The following ZFR variants were observed in gnomAD, a reference collection of about 807,000 sequenced individuals.
ZFR encodes the protein zinc finger RNA-binding protein.
In ZFR, 19 loss-of-function variants were observed where a neutral mutation model predicts 130.7. The ratio of observed to expected loss-of-function variants is 0.15; its 90% CI spans 0.10 to 0.21. The LOEUF (loss-of-function observed/expected upper bound fraction) is 0.21. ZFR is among the 10% of genes least tolerant of loss of function. ZFR has a pLI of 1.00. For missense variants in ZFR, 872 were observed against 1,321.5 expected (o/e 0.66, Z 5.27); for synonymous variants, 466 against 456.9 (o/e 1.02, Z -0.25).
At chr5:32,371,178 G>A (rs945303577) in intron 17 of ZFR, among the ~76,000 whole-genome samples, 1 of 151,816 alleles carries the variant, frequency 6.6e-6, no homozygotes, top group Non-Finnish European at 1.5e-5. Context: ...GAGACCAGCT[G>A]GGGCAACATA....
intron 15 of ZFR, among the ~76,000 whole-genome samples, chr5:32,380,902 G>T (rs1191993544): frequency 6.6e-6 from 1 of 151,036 alleles, no homozygotes; most frequent in Non-Finnish European, 1.5e-5. Flanking sequence ...CACCCGCCTC[G>T]GCCTCCCAAA....
chr5:32,385,661 AGAT>A lies in ZFR; in HGVS notation c.2500-15_2500-13del. The A allele has an allele frequency of 6.2e-7, 1 of 1,609,984 alleles. No individual in the cohort carries two copies. The highest frequency in any genetic ancestry group is 8.5e-7 in the Non-Finnish European group (1 of 1,178,286). On this transcript the variant is annotated splice_polypyrimidine_tract_variant and intron_variant, in intron 14 of 19. Transcript: ENST00000265069. ...TCAGGGCTTATAACCTGTGTAATGA[AGAT>A]GATAAGAAACAAATTGGATCTGTTG...
chr5:32,385,688 T>C (rs1056756279), intron 14 of ZFR, 39 bp from the exon 15 acceptor site: 14 of 1,605,898 alleles, frequency 8.7e-6, no homozygotes, highest in Admixed American at 1.7e-5. Flanking sequence ...TTGGATCTGT[T>C]GTATTAACAA....
intron 2 of ZFR, among the ~76,000 whole-genome samples, 185 bp downstream of exon 2, chr5:32,444,044 G>T (rs1754536792): frequency 7.1e-6 from 1 of 141,180 alleles, no homozygotes; most frequent in Non-Finnish European, 1.6e-5. Context: ...CGCGGGCCGG[G>T]CCGGGCCGGG....
chr5:32,411,222 C>G (rs1753698331), intron 5 of ZFR, among the ~76,000 whole-genome samples: 1 of 152,038 alleles, frequency 6.6e-6, no homozygotes, highest in Non-Finnish European at 1.5e-5. Flanking sequence ...AAGATGTGTT[C>G]AAAGACGAAT....
At chr5:32,419,800 C>A (rs1322380103) in intron 3 of ZFR, 21 bp downstream of exon 3, 1 of 1,568,834 alleles carries the variant, frequency 6.4e-7, no homozygotes, top group South Asian at 1.2e-5. Context: ...TTCAGGCTAC[C>A]AAAACTAGTA....
intron 19 of ZFR, among the ~76,000 whole-genome samples, chr5:32,359,425 C>G (rs1752382618): frequency 6.6e-6 from 1 of 151,886 alleles, no homozygotes; most frequent in Admixed American, 6.6e-5. Context: ...ATACCCCTGC[C>G]CTAAAGCTTA....
chr5:32,380,831 G>A (rs1344763353), intron 15 of ZFR, among the ~76,000 whole-genome samples: 4 of 151,526 alleles, frequency 2.6e-5, no homozygotes, highest in African/African-American at 9.7e-5. Flanking sequence ...TGTATTTTTA[G>A]TAGAGACGAA....
Position 32,355,722 on chromosome 5 carries a change from C to T in ZFR, c.*38G>A. 4.7e-6 allele frequency: 7 copies of T among 1,494,992 alleles called. No individual in the cohort carries two copies. The highest frequency in any genetic ancestry group is 1.4e-5 in the African/African-American group (1 of 70,148). 92.6% of individuals were successfully genotyped at this position (1,494,992 alleles called of 1,614,324 possible). On this transcript the variant is annotated 3_prime_UTR_variant, in exon 20 of 20. Transcript: ENST00000265069. ...GAATGAAAAACAGCCAACAAATGGG[C>T]ATCTGTTTTTTTAACACTGAAGATT...
intron 19 of ZFR, among the ~76,000 whole-genome samples, chr5:32,358,977 G>A (rs372240047): frequency 1.3e-5 from 2 of 152,176 alleles, no homozygotes; most frequent in South Asian, 2.1e-4. Flanking sequence ...GGGAGGTGGA[G>A]GTGGGAAGAT....
At chr5:32,386,376 T>C (rs183204557) in intron 14 of ZFR, among the ~76,000 whole-genome samples, 2 of 152,146 alleles carry the variant, frequency 1.3e-5, no homozygotes, top group Non-Finnish European at 2.9e-5. Context: ...AAATTAATTT[T>C]ATTTCACTTG....
chr5:32,444,051 C>A (rs1426076752), intron 2 of ZFR, among the ~76,000 whole-genome samples, 178 bp downstream of exon 2: 1 of 128,706 alleles, frequency 7.8e-6, no homozygotes, highest in African/African-American at 2.8e-5. Context: ...CGGGCCGGGC[C>A]GGGCAAGGCG....
Position 32,440,704 on chromosome 5 carries a change from TG to T in ZFR, c.137+3524del. 2.0e-5 allele frequency among the ~76,000 whole-genome samples: 3 copies of T among 151,354 alleles called. No homozygotes were observed. The East Asian group carries it at 5.8e-4, about 29-fold the overall frequency. On this transcript the variant is annotated intron_variant, in intron 2 of 19. Coordinates refer to ENST00000265069, the MANE Select transcript of ZFR (RefSeq NM_016107.5). ...AGGAAAAAAAAAATTCCATAGTTTA[TG>T]GGACTTAGAACACAAGACTGAGAAA...
intron 2 of ZFR, among the ~76,000 whole-genome samples, chr5:32,421,701 T>C (rs941012482): frequency 2.6e-5 from 4 of 151,802 alleles, no homozygotes; most frequent in African/African-American, 7.3e-5. Context: ...TTCAGTCCAA[T>C]ATGAAAAAGA....
At chr5:32,395,138 A>T in intron 11 of ZFR, 21 bp downstream of exon 11, 1 of 1,570,056 alleles carries the variant, frequency 6.4e-7, no homozygotes, top group South Asian at 1.2e-5. Flanking sequence ...TTACCAGGCT[A>T]TTAAAAGTTA....
At chr5:32,420,584 A>T (rs1218914962) in intron 2 of ZFR, among the ~76,000 whole-genome samples, 1 of 152,234 alleles carries the variant, frequency 6.6e-6, no homozygotes. Context: ...TGACCAGCTG[A>T]TTAAAAAATA....
intron 6 of ZFR, 71 bp downstream of exon 6, chr5:32,406,703 C>T: frequency 6.5e-7 from 1 of 1,528,452 alleles, no homozygotes; most frequent in Non-Finnish European, 8.7e-7. Flanking sequence ...TTTTAGTAGG[C>T]TCAGGAGTTA....
At chr5:32,373,700 A>G (rs1752731079) in intron 17 of ZFR, among the ~76,000 whole-genome samples, 1 of 152,230 alleles carries the variant, frequency 6.6e-6, no homozygotes, top group African/African-American at 2.4e-5. Context: ...TAAAACAGAT[A>G]AACCACTGCC....
intron 3 of ZFR, among the ~76,000 whole-genome samples, chr5:32,419,496 C>G (rs1174504362): frequency 6.6e-6 from 1 of 152,134 alleles, no homozygotes; most frequent in Non-Finnish European, 1.5e-5. Context: ...CACCACTGCA[C>G]CCAGCTAATT....
Sources: gnomAD v4.1 joint callset for allele counts (sites outside exome capture counted in the v4.1 genomes callset) on GRCh38, gnomAD v4.1.1 for gene constraint, MANE v1.5 for transcripts, NCBI Gene and HGNC (gene_info 2026-07-23, HGNC 2026-07-21) for gene names.